The following GRAMD2A variants were observed in gnomAD, a reference collection of about 807,000 sequenced individuals.
GRAMD2A encodes GRAM domain containing 2A.
A neutral mutation model predicts 51.1 loss-of-function variants in GRAMD2A; 37 were observed. The ratio of observed to expected loss-of-function variants is 0.72; its 90% CI spans 0.56 to 0.95. The LOEUF (loss-of-function observed/expected upper bound fraction) is 0.95, where lower values mean the gene tolerates loss of function less well. GRAMD2A is among the 40% of genes least tolerant of loss of function. The pLI, the probability that GRAMD2A is intolerant of heterozygous loss-of-function variation, is 0.00. For missense variants in GRAMD2A, 414 were observed against 426.9 expected, an observed-to-expected ratio of 0.97 and a Z score of 0.27; for synonymous variants, 136 against 157.1, an observed-to-expected ratio of 0.87 and a Z score of 1.01.
chr15:72,184,874 T>C (rs907770948), intron 1 of GRAMD2A, among the ~76,000 whole-genome samples: 1 of 152,218 alleles, frequency 6.6e-6, no homozygotes. Flanking sequence ...TCAGATAAAC[T>C]ACCTAAACAA....
chr15:72,168,820 C>T (rs2081577437), intron 3 of GRAMD2A, 119 bp downstream of exon 3: 1 of 922,128 alleles, frequency 1.1e-6, no homozygotes, highest in Non-Finnish European at 1.8e-6. Context: ...GGGATACACA[C>T]TCAGGTCTCC....
At position 72,197,752 on chromosome 15, in the gene GRAMD2A, C is replaced by T. The variant is rs2081822817; in HGVS notation, c.20G>A (p.Ser7Asn). 3 of 1,335,698 alleles carry T rather than the reference C, an allele frequency of 2.2e-6. No individual in the cohort carries two copies. The highest frequency in any genetic ancestry group is 2.8e-5 in the Admixed American group (1 of 35,610). 82.7% of individuals were successfully genotyped at this position (1,335,698 alleles called of 1,614,324 possible). A position where few individuals can be genotyped will look rare whatever the true frequency, so the allele number is the denominator to read the frequency against. The change falls in exon 1 of 12, where the codon AGC (serine) becomes AAC (asparagine). Residue 7 changes from serine to asparagine, a missense_variant. Transcript: ENST00000309731. MTALSRSEATEEGGNQQ... is the reference protein window; with the variant it reads MTALSRNEATEEGGNQQ... Reference sequence around the variant, plus strand: ...TTACCCGCCCTCCTCGGTGGCCTCGCTCCGGCTTAAAGCGGTCATCCCGGC... The same window carrying T: ...TTACCCGCCCTCCTCGGTGGCCTCGTTCCGGCTTAAAGCGGTCATCCCGGC...
rs866953659 is a variant in GRAMD2A at position 72,161,647 on chromosome 15, A to T, written c.*362T>A. 57 of 310,320 alleles carry T rather than the reference A, an allele frequency of 1.8e-4. No homozygotes were observed. The Middle Eastern group carries it at 8.2e-3, about 45-fold the overall frequency. The allele number at this position is 310,320 out of a possible 1,614,324, so 19.2% of individuals were successfully genotyped here. A position where few individuals can be genotyped will look rare whatever the true frequency, so the allele number is the denominator to read the frequency against. ...GCGAAAGCATGGCCTCTGTCCTTTG[A>T]GGTGGCCTCCAGTGTTCTGCCTGTG... is the stretch of plus-strand genomic sequence containing the variant. On this transcript the variant is annotated 3_prime_UTR_variant, in exon 12 of 12. Transcript: ENST00000309731.
intron 1 of GRAMD2A, among the ~76,000 whole-genome samples, chr15:72,193,670 C>A (rs1596701918): frequency 6.6e-6 from 1 of 152,046 alleles, no homozygotes; most frequent in Non-Finnish European, 1.5e-5. Context: ...CTACAGGCGC[C>A]CACCACCATG....
At chr15:72,178,920 A>G (rs2081676707) in intron 1 of GRAMD2A, among the ~76,000 whole-genome samples, 1 of 152,090 alleles carries the variant, frequency 6.6e-6, no homozygotes, top group Admixed American at 6.6e-5. Flanking sequence ...ATTTTCTCAG[A>G]TGACATTCCA....
rs2081599475 is a variant in GRAMD2A at position 72,170,470 on chromosome 15, C to T, written c.42-531G>A. 2.2e-6 allele frequency: 1 copy of T among 452,374 alleles called. No individual in the cohort carries two copies. The highest frequency in any genetic ancestry group is 4.4e-6 in the Non-Finnish European group (1 of 224,878). The allele number at this position is 452,374 out of a possible 1,614,324, so 28.0% of individuals were successfully genotyped here. On this transcript the variant is annotated intron_variant, in intron 1 of 11. Transcript: ENST00000309731. The surrounding 1 kb of genome is among the most constrained non-coding windows in gnomAD (Gnocchi z 4.5). Reference sequence around the variant, plus strand: ...CCATCAGCCTACAGGTGAGTGTGGCCAGGAGGGGAGGAGCCGTCTTATACC... The same window carrying T: ...CCATCAGCCTACAGGTGAGTGTGGCTAGGAGGGGAGGAGCCGTCTTATACC...
chr15:72,183,428 T>C (rs1358246339), intron 1 of GRAMD2A, among the ~76,000 whole-genome samples: 1 of 151,970 alleles, frequency 6.6e-6, no homozygotes, highest in Non-Finnish European at 1.5e-5. Context: ...GGCAGGAGAA[T>C]GGCGTGAACA....
chr15:72,169,986 C>A (rs1261185352), intron 1 of GRAMD2A, 47 bp from the exon 2 acceptor site: 4 of 1,419,668 alleles, frequency 2.8e-6, no homozygotes, highest in Non-Finnish European at 4.0e-6. Context: ...CATGAGGACA[C>A]CTTTCCCTAA....
At chr15:72,187,051 C>A (rs1436003197) in intron 1 of GRAMD2A, among the ~76,000 whole-genome samples, 1 of 150,892 alleles carries the variant, frequency 6.6e-6, no homozygotes, top group Non-Finnish European at 1.5e-5. Context: ...ATCCCAGCTA[C>A]TTGGGAGACT....
Position 72,166,608 on chromosome 15 carries a change from C to A in GRAMD2A, c.543+24G>T. ...ATCCAGGCCTGAGCGACTTCCCTGG[C>A]CTTCCTGCTCCCAAGCTCCATACCT... is the stretch of plus-strand genomic sequence containing the variant. On this transcript the variant is annotated intron_variant, in intron 7 of 11. Transcript: ENST00000309731. This position sits in a 1 kb window ranked among gnomAD's most constrained non-coding sequence, Gnocchi z 4.1. 1 of 1,598,778 alleles carries A rather than the reference C, an allele frequency of 6.3e-7. No homozygotes were observed. The highest frequency in any genetic ancestry group is 8.6e-7 in the Non-Finnish European group (1 of 1,166,560).
chr15:72,181,200 G>C (rs1449083139), intron 1 of GRAMD2A, among the ~76,000 whole-genome samples: 2 of 152,214 alleles, frequency 1.3e-5, no homozygotes, highest in East Asian at 3.9e-4. Context: ...AGGCTGGAGG[G>C]GTTGGCAGGG....
At chr15:72,162,547 A>G (rs1413991479) in intron 10 of GRAMD2A, among the ~76,000 whole-genome samples, 170 bp from the exon 11 acceptor site, 1 of 152,180 alleles carries the variant, frequency 6.6e-6, no homozygotes, top group Non-Finnish European at 1.5e-5. Context: ...GACACCATGT[A>G]GGGGTCTTCA....
chr15:72,165,462 CA>C, intron 7 of GRAMD2A, 52 bp from the exon 8 acceptor site: 1 of 1,559,746 alleles, frequency 6.4e-7, no homozygotes, highest in Non-Finnish European at 8.8e-7. Flanking sequence ...CAGGCAAGGT[CA>C]GGCAGGGGGA....
rs1483276679 is a variant in GRAMD2A, at chr15:72,161,666, G to T, written c.*343C>A. The T allele has an allele frequency of 2.9e-6, 1 of 341,822 alleles. No individual in the cohort carries two copies. Among genetic ancestry groups the T allele is most frequent in the African/African-American group, 2.1e-5 (1 of 46,970 alleles). The allele number at this position is 341,822 out of a possible 1,614,324, so 21.2% of individuals were successfully genotyped here. On this transcript the variant is annotated 3_prime_UTR_variant, in exon 12 of 12. Coordinates refer to ENST00000309731, the MANE Select transcript of GRAMD2A (RefSeq NM_001012642.3). The stretch of plus-strand genomic sequence containing the variant: ...CCTTTGAGGTGGCCTCCAGTGTTCT[G>T]CCTGTGTGCCAGAACTGTTTCCAAG...
intron 2 of GRAMD2A, chr15:72,169,241 G>A: frequency 1.8e-6 from 1 of 566,656 alleles, no homozygotes; most frequent in East Asian, 3.0e-5. Flanking sequence ...CTTCCCCAGT[G>A]CGGGTGAGCA....
chr15:72,167,924 A>G (rs1386502006), intron 4 of GRAMD2A, 85 bp from the exon 5 acceptor site: 4 of 903,032 alleles, frequency 4.4e-6, no homozygotes, highest in Non-Finnish European at 7.4e-6. Context: ...TCTGGAGTCC[A>G]CAGTCCAGCC....
intron 8 of GRAMD2A, 107 bp from the exon 9 acceptor site, chr15:72,163,864 T>C (rs2081510308): frequency 1.7e-6 from 2 of 1,194,442 alleles, no homozygotes; most frequent in Non-Finnish European, 1.2e-6. Context: ...TTACCAAATA[T>C]AGATGCCTAG....
At position 72,162,263 on chromosome 15, in the gene GRAMD2A, A is replaced by G; in HGVS notation, c.1061+10T>C. 6.3e-7 allele frequency: 1 copy of G among 1,592,040 alleles called. No individual in the cohort carries two copies. The highest frequency in any genetic ancestry group is 1.3e-5 in the African/African-American group (1 of 74,460). ...AATATCAAAGGCATTAGAAAGAGAA[A>G]AGGCCTCACCTGTGCCCAGGGACTG... On this transcript the variant is annotated intron_variant, in intron 11 of 11. Coordinates refer to ENST00000309731, the MANE Select transcript of GRAMD2A (RefSeq NM_001012642.3).
intron 1 of GRAMD2A, among the ~76,000 whole-genome samples, chr15:72,185,480 C>T (rs1301625263): frequency 1.3e-5 from 2 of 152,224 alleles, no homozygotes; most frequent in African/African-American, 4.8e-5. Flanking sequence ...AGGCATAAGC[C>T]ACCATTCCTG....
Sources: gnomAD v4.1 joint callset for allele counts (sites outside exome capture counted in the v4.1 genomes callset) on GRCh38, gnomAD v4.1.1 for gene constraint, Gnocchi (gnomAD v3.1) non-coding constraint, MANE v1.5 for transcripts, NCBI Gene and HGNC (gene_info 2026-07-23, HGNC 2026-07-21) for gene names.